PPFIBP1: variants seen among roughly 807,000 people sequenced by gnomAD.
PPFIBP1 encodes the protein PPFIB scaffold protein 1.
Under a neutral mutation model 137.8 loss-of-function variants are expected in PPFIBP1, and 112 were observed. That is an observed-to-expected ratio of 0.81 (90% CI 0.70 to 0.95). The LOEUF (loss-of-function observed/expected upper bound fraction) is 0.95. PPFIBP1 is among the 40% of genes least tolerant of loss of function. PPFIBP1 has a pLI of 0.00. For synonymous variants in PPFIBP1, 378 were observed against 417.3 expected, an observed-to-expected ratio of 0.91 and a Z score of 1.15; for missense variants, 1,083 against 1,196.6, an observed-to-expected ratio of 0.91 and a Z score of 1.40.
chr12:27,628,811 C>T (rs957225809), intron 2 of PPFIBP1, among the ~76,000 whole-genome samples: 2 of 151,994 alleles, frequency 1.3e-5, no homozygotes, highest in Non-Finnish European at 2.9e-5. Context: ...GGAAAGTGAT[C>T]CTAGGAAAGA....
In PPFIBP1 at chr12:27,606,324, A is replaced by T. The variant is rs80140192; in HGVS notation, c.-35-27038A>T. 6.9e-3 allele frequency among the ~76,000 whole-genome samples: 271 copies of T among 39,074 alleles called. 3 individuals are homozygous for T. The highest frequency in any genetic ancestry group is 0.022 in the African/African-American group (258 of 11,766). The allele number at this position is 39,074 out of a possible 152,430, so 25.6% of individuals were successfully genotyped here. ...ATCTGTCTGCAGGCATTTTTGGGGT[A>T]TGGGGGAGGATGAGTTCTCATGTAC... is the stretch of plus-strand genomic sequence containing the variant. On this transcript the variant is annotated intron_variant, in intron 2 of 29. Coordinates refer to ENST00000228425, the MANE Select transcript of PPFIBP1 (RefSeq NM_003622.4).
intron 2 of PPFIBP1, among the ~76,000 whole-genome samples, chr12:27,589,521 A>G (rs150300768): frequency 6.3e-4 from 96 of 152,294 alleles, no homozygotes; most frequent in Middle Eastern, 3.4e-3. Flanking sequence ...GCTTTCTAAT[A>G]TATAGCATGA....
intron 2 of PPFIBP1, among the ~76,000 whole-genome samples, chr12:27,595,138 G>A (rs1040771248): frequency 1.3e-5 from 2 of 152,232 alleles, no homozygotes; most frequent in Non-Finnish European, 2.9e-5. Flanking sequence ...AGGTTTTGCT[G>A]TTTAGATGCC....
At position 27,644,357 on chromosome 12, in the gene PPFIBP1, A is replaced by G. The variant is rs1259113031; in HGVS notation, c.271-1705A>G. 2.0e-5 allele frequency among the ~76,000 whole-genome samples: 3 copies of G among 151,254 alleles called. No homozygotes were observed. In the East Asian group the frequency reaches 5.8e-4, roughly 29 times the overall value. On this transcript the variant is annotated intron_variant, in intron 4 of 29. Transcript: ENST00000228425. ...CAGCCTCCCGAAGTGCTGGAATTAC[A>G]GGTATGCACCACCACCCTTGGCCAG...
chr12:27,537,612 G>A (rs994060274), intron 1 of PPFIBP1, among the ~76,000 whole-genome samples: 2 of 152,122 alleles, frequency 1.3e-5, no homozygotes, highest in African/African-American at 4.8e-5. Flanking sequence ...TGGCCTGCGT[G>A]TTATTAATAA....
chr12:27,600,741 T>A (rs2053890202), intron 2 of PPFIBP1, among the ~76,000 whole-genome samples: 2 of 152,202 alleles, frequency 1.3e-5, no homozygotes, highest in African/African-American at 2.4e-5. Flanking sequence ...GAAATTTGAA[T>A]TAATACTTAG....
intron 11 of PPFIBP1, among the ~76,000 whole-genome samples, chr12:27,661,653 C>G (rs1280541262): frequency 6.6e-6 from 1 of 152,166 alleles, no homozygotes; most frequent in Non-Finnish European, 1.5e-5. Context: ...CCTTATCTGC[C>G]TGAATGAATA....
At chr12:27,590,300 C>T (rs1026059631) in intron 2 of PPFIBP1, among the ~76,000 whole-genome samples, 11 of 152,060 alleles carry the variant, frequency 7.2e-5, no homozygotes, top group East Asian at 1.9e-4. Flanking sequence ...CTCAGCCTCC[C>T]GAGTAGCTGG....
chr12:27,660,052 G>A (rs2059446856), intron 10 of PPFIBP1, among the ~76,000 whole-genome samples: 2 of 151,106 alleles, frequency 1.3e-5, no homozygotes. Flanking sequence ...ATTTTGGAGT[G>A]ACTTTTCATT....
intron 4 of PPFIBP1, among the ~76,000 whole-genome samples, chr12:27,639,846 C>G (rs530912267): frequency 2.0e-5 from 3 of 152,202 alleles, no homozygotes; most frequent in African/African-American, 4.8e-5. Context: ...GGGACATGCT[C>G]TCTGCAGGGC....
chr12:27,534,161 G>A, intron 1 of PPFIBP1, among the ~76,000 whole-genome samples: 1 of 152,116 alleles, frequency 6.6e-6, no homozygotes, highest in African/African-American at 2.4e-5. Flanking sequence ...AGGGAGGAAG[G>A]AATGAGTGCA....
intron 7 of PPFIBP1, 102 bp from the exon 8 acceptor site, chr12:27,654,620 T>C (rs1238976540): frequency 2.1e-5 from 30 of 1,416,060 alleles, no homozygotes; most frequent in South Asian, 1.2e-4. Context: ...ACTTTAACCC[T>C]AGGAGCTGGT....
intron 8 of PPFIBP1, among the ~76,000 whole-genome samples, 180 bp from the exon 9 acceptor site, chr12:27,656,436 A>C (rs1224578069): frequency 6.6e-6 from 1 of 152,226 alleles, no homozygotes; most frequent in Admixed American, 6.5e-5. Flanking sequence ...CAGGACTTCT[A>C]CTAATAGTCT....
At chr12:27,576,443 C>G (rs1294968423) in intron 1 of PPFIBP1, among the ~76,000 whole-genome samples, 1 of 152,150 alleles carries the variant, frequency 6.6e-6, no homozygotes, top group African/African-American at 2.4e-5. Flanking sequence ...GCAGCCTCCC[C>G]CTGCAGCCTA....
chr12:27,669,366 C>T (rs555942090), intron 13 of PPFIBP1, among the ~76,000 whole-genome samples: 2 of 152,268 alleles, frequency 1.3e-5, no homozygotes, highest in Admixed American at 6.5e-5. Flanking sequence ...TGACAGTCAA[C>T]GAGTGTGCTG....
intron 1 of PPFIBP1, among the ~76,000 whole-genome samples, chr12:27,572,264 A>G (rs2050210771): frequency 6.6e-6 from 1 of 152,240 alleles, no homozygotes; most frequent in African/African-American, 2.4e-5. Flanking sequence ...TAATTGGTAT[A>G]CCAGGAAGCT....
rs1342179819 is a variant in PPFIBP1, at chr12:27,692,585, T to C, written c.2866-6T>C. 1.9e-6 allele frequency: 3 copies of C among 1,613,160 alleles called. No individual in the cohort carries two copies. The highest frequency in any genetic ancestry group is 1.1e-5 in the South Asian group (1 of 91,040). On this transcript the variant is annotated splice_polypyrimidine_tract_variant and splice_region_variant and intron_variant, in intron 28 of 29. Coordinates refer to ENST00000228425, the MANE Select transcript of PPFIBP1 (RefSeq NM_003622.4). ...CTTATGTCATGTTATGGTTTGTTAT[T>C]TGCAGATGGAAGATTCAGAAGGGAC...
At chr12:27,665,792 G>C (rs1395646595) in intron 12 of PPFIBP1, among the ~76,000 whole-genome samples, 5 of 151,908 alleles carry the variant, frequency 3.3e-5, no homozygotes, top group South Asian at 4.1e-4. Flanking sequence ...CTTTGGATCA[G>C]GATTTTTGAA....
At chr12:27,635,178 C>A (rs753335547) in intron 4 of PPFIBP1, 63 bp downstream of exon 4, 2 of 1,505,824 alleles carry the variant, frequency 1.3e-6, no homozygotes, top group South Asian at 2.3e-5. Flanking sequence ...AAATTTAGAA[C>A]ATAGAATAGC....
Sources: gnomAD v4.1 joint callset for allele counts (sites outside exome capture counted in the v4.1 genomes callset) on GRCh38, gnomAD v4.1.1 for gene constraint, MANE v1.5 for transcripts, NCBI Gene and HGNC (gene_info 2026-07-23, HGNC 2026-07-21) for gene names.